ETV7: variants seen among roughly 807,000 people sequenced by gnomAD.
The protein encoded by ETV7 is transcription factor ETV7.
ETV7 carries 43 observed loss-of-function variants against 39.1 expected under a neutral mutation model. The ratio of observed to expected loss-of-function variants is 1.10; its 90% CI spans 0.86 to 1.42. ETV7 has a LOEUF of 1.42. Among genes scored for constraint, ETV7 ranks in the 40% most tolerant of loss-of-function variants. The pLI is 0.00. For synonymous variants in ETV7, 196 were observed against 176.6 expected (o/e 1.11, Z -0.87); for missense variants, 432 against 442.3 (o/e 0.98, Z 0.21).
At chr6:36,381,369 G>A (rs969406484) in intron 2 of ETV7, among the ~76,000 whole-genome samples, 1 of 152,176 alleles carries the variant, frequency 6.6e-6, no homozygotes, top group Admixed American at 6.5e-5. Flanking sequence ...TTACACAACT[G>A]TAAGGCGGAG....
intron 7 of ETV7, among the ~76,000 whole-genome samples, chr6:36,359,537 A>T (rs955273088): frequency 2.0e-5 from 3 of 152,174 alleles, no homozygotes; most frequent in African/African-American, 7.2e-5. Context: ...GGTAAAGATG[A>T]TTTGTTCCTG....
Position 36,375,864 on chromosome 6 carries a change from C to G in ETV7, c.307+7G>C, listed in dbSNP as rs1773303473. 6.2e-7 allele frequency: 1 copy of G among 1,613,984 alleles called. No individual in the cohort carries two copies. The highest frequency in any genetic ancestry group is 1.6e-4 in the Middle Eastern group (1 of 6,062). ...CGCTTAGAGGAAAGCCTGTGCGTTT[C>G]CCTGACCTGAGCTGGGCGCACGGTG... On this transcript the variant is annotated splice_region_variant and intron_variant, in intron 3 of 7. Coordinates refer to ENST00000340181, the MANE Select transcript of ETV7 (RefSeq NM_016135.4).
At chr6:36,363,520 T>C (rs375334983), downstream of ETV7, among the ~76,000 whole-genome samples, 1 of 152,242 alleles carries the variant, frequency 6.6e-6, no homozygotes, top group Non-Finnish European at 1.5e-5. Flanking sequence ...GGAGTGAAGC[T>C]GCAGATCTTC....
At chr6:36,366,810 G>T in intron 7 of ETV7, 48 bp from the exon 8 acceptor site, 1 of 1,613,280 alleles carries the variant, frequency 6.2e-7, no homozygotes, top group Non-Finnish European at 8.5e-7. Flanking sequence ...CCAGCTGCAG[G>T]GGGATTCCAG....
At chr6:36,367,335 C>T (rs561134596) in intron 6 of ETV7, among the ~76,000 whole-genome samples, 1 of 152,152 alleles carries the variant, frequency 6.6e-6, no homozygotes, top group African/African-American at 2.4e-5. Flanking sequence ...CCCAACTACT[C>T]AGGAGGCTGA....
chr6:36,378,395 A>G (rs1773484071), intron 2 of ETV7, among the ~76,000 whole-genome samples: 1 of 152,226 alleles, frequency 6.6e-6, no homozygotes. Flanking sequence ...ATCAAAAACC[A>G]AATGCACTCA....
intron 2 of ETV7, among the ~76,000 whole-genome samples, chr6:36,382,133 A>G (rs1308386859): frequency 2.0e-5 from 3 of 152,140 alleles, no homozygotes; most frequent in Non-Finnish European, 2.9e-5. Flanking sequence ...CTCATAGGCC[A>G]TGATCTAGGG....
At chr6:36,383,251 T>C (rs1186524910) in intron 2 of ETV7, among the ~76,000 whole-genome samples, 2 of 152,094 alleles carry the variant, frequency 1.3e-5, no homozygotes, top group Non-Finnish European at 2.9e-5. Context: ...TTGTTCCCCA[T>C]TTCCATACAG....
chr6:36,365,739 C>G (rs1772687062), downstream of ETV7, among the ~76,000 whole-genome samples: 1 of 152,166 alleles, frequency 6.6e-6, no homozygotes, highest in Non-Finnish European at 1.5e-5. Context: ...CAGGTCGAAG[C>G]CCTGGGTTGT....
At chr6:36,375,553 T>C (rs183940870) in intron 3 of ETV7, among the ~76,000 whole-genome samples, 89 of 152,102 alleles carry the variant, frequency 5.9e-4, no homozygotes, top group Non-Finnish European at 2.8e-4. Context: ...TCAGTAGGGG[T>C]AGCGGGTGGG....
intron 2 of ETV7, among the ~76,000 whole-genome samples, chr6:36,376,888 C>A (rs936532043): frequency 3.9e-5 from 6 of 152,164 alleles, no homozygotes; most frequent in Admixed American, 2.6e-4. Flanking sequence ...TGGGGCACAG[C>A]CGGGCTGTCT....
intron 6 of ETV7, 76 bp downstream of exon 6, chr6:36,368,853 T>C (rs1772852956): frequency 1.6e-5 from 25 of 1,590,226 alleles, no homozygotes; most frequent in Non-Finnish European, 2.0e-5. Flanking sequence ...TGTCCCATAG[T>C]GCTAGGGGTC....
chr6:36,386,209 T>A (rs1353571223), intron 1 of ETV7, among the ~76,000 whole-genome samples: 1 of 152,072 alleles, frequency 6.6e-6, no homozygotes, highest in Non-Finnish European at 1.5e-5. Flanking sequence ...GCGCCTGTAA[T>A]CCCAGCTACT....
chr6:36,377,104 T>C (rs978030046), intron 2 of ETV7, among the ~76,000 whole-genome samples: 1 of 152,218 alleles, frequency 6.6e-6, no homozygotes, highest in African/African-American at 2.4e-5. Context: ...TTTTGGATAG[T>C]GTTCAGCAGG....
At chr6:36,375,068 CAA>C (rs34962714) in intron 3 of ETV7, among the ~76,000 whole-genome samples, 3,421 of 131,854 alleles carry the variant, frequency 0.026, 129 homozygotes, top group African/African-American at 0.085. Flanking sequence ...GACTCCATCT[CAA>C]AAAAAAAAAA....
intron 7 of ETV7, among the ~76,000 whole-genome samples, chr6:36,360,764 C>G (rs972852514): frequency 1.3e-5 from 2 of 152,128 alleles, no homozygotes; most frequent in African/African-American, 4.8e-5. Flanking sequence ...TCTCCCTGAC[C>G]CCCTCAAGGA....
intron 7 of ETV7, among the ~76,000 whole-genome samples, chr6:36,359,965 G>A (rs1033711533): frequency 6.6e-6 from 1 of 151,792 alleles, no homozygotes; most frequent in Non-Finnish European, 1.5e-5. Context: ...GCGCGATCTC[G>A]GCTCACTGCC....
At chr6:36,364,577 C>A (rs1003359651), downstream of ETV7, among the ~76,000 whole-genome samples, 2 of 152,222 alleles carry the variant, frequency 1.3e-5, no homozygotes, top group Non-Finnish European at 2.9e-5. Context: ...GGCCCGCAAG[C>A]GCCGCGCACA....
chr6:36,375,720 C>T (rs141924753), intron 3 of ETV7, 151 bp downstream of exon 3: 314 of 1,240,752 alleles, frequency 2.5e-4, no homozygotes, highest in East Asian at 1.3e-3. Context: ...CAGATACACA[C>T]GTATGCAGAG....
Sources: allele counts gnomAD v4.1 joint callset (sites outside exome capture counted in the v4.1 genomes callset), GRCh38; gene constraint gnomAD v4.1.1; transcripts MANE v1.5; gene names NCBI Gene and HGNC (gene_info 2026-07-23, HGNC 2026-07-21).